RNPEP: variants seen among roughly 807,000 people sequenced by gnomAD.
The protein encoded by RNPEP is aminopeptidase B.
Under a neutral mutation model 70.1 loss-of-function variants are expected in RNPEP, and 57 were observed. That is an observed-to-expected ratio of 0.81 (90% CI 0.66 to 1.01). The LOEUF (loss-of-function observed/expected upper bound fraction) is 1.01. Among genes scored for constraint, RNPEP ranks in the 50% least tolerant of loss-of-function variants. The pLI is 0.00. For synonymous variants in RNPEP, 335 were observed against 357.4 expected (o/e 0.94, Z 0.71); for missense variants, 787 against 852.4 (o/e 0.92, Z 0.96).
intron 10 of RNPEP, among the ~76,000 whole-genome samples, chr1:202,005,095 TTA>T (rs2102986715): frequency 6.6e-6 from 1 of 152,338 alleles, no homozygotes; most frequent in African/African-American, 2.4e-5. Context: ...GCTCTGGATT[TTA>T]GGAACTTGTG....
chr1:201,994,445 T>C (rs1309083345), intron 3 of RNPEP, among the ~76,000 whole-genome samples: 3 of 151,956 alleles, frequency 2.0e-5, no homozygotes, highest in African/African-American at 7.2e-5. Flanking sequence ...GCCTCCCTCA[T>C]TGCAATCTGA....
intron 1 of RNPEP, among the ~76,000 whole-genome samples, chr1:201,988,459 A>C (rs1683208467): frequency 4.4e-5 from 1 of 22,664 alleles, no homozygotes; most frequent in Non-Finnish European, 1.0e-4. Context: ...CTCTGTCTCA[A>C]AAAAAAAAAA....
intron 5 of RNPEP, among the ~76,000 whole-genome samples, chr1:201,997,925 G>A (rs1208376945): frequency 1.3e-5 from 2 of 151,716 alleles, no homozygotes; most frequent in African/African-American, 2.4e-5. Flanking sequence ...CACCACACCT[G>A]GCTAATTTTG....
At chr1:201,990,656 G>A (rs1488657464) in intron 3 of RNPEP, among the ~76,000 whole-genome samples, 6 of 152,126 alleles carry the variant, frequency 3.9e-5, no homozygotes, top group African/African-American at 1.4e-4. Flanking sequence ...CTGGTATCAT[G>A]AGTCTTAGTT....
chr1:201,997,601 C>A, intron 5 of RNPEP, 47 bp downstream of exon 5: 1 of 1,446,170 alleles, frequency 6.9e-7, no homozygotes, highest in Non-Finnish European at 9.7e-7. Flanking sequence ...CCATTCTTAA[C>A]CTGTGGGGCC....
chr1:202,005,869 CT>C lies in RNPEP; in HGVS notation c.*154del. On this transcript the variant is annotated 3_prime_UTR_variant, in exon 11 of 11. Coordinates refer to ENST00000295640, the MANE Select transcript of RNPEP (RefSeq NM_020216.4). Reference sequence around the variant, plus strand: ...GCTTAGGTATCTGTGACTCTTGGGCCTCTGCTCTGGTGGGAACTTACTTCTC... The same window carrying C: ...GCTTAGGTATCTGTGACTCTTGGGCCCTGCTCTGGTGGGAACTTACTTCTC... 1 of 911,842 alleles carries C rather than the reference CT, an allele frequency of 1.1e-6. No homozygotes were observed. The highest frequency in any genetic ancestry group is 2.6e-5 in the East Asian group (1 of 38,192). 56.5% of individuals were successfully genotyped at this position (911,842 alleles called of 1,614,324 possible).
chr1:201,984,821 C>CTTTTTTTTTTTTTTTTTTT (rs200795347), intron 1 of RNPEP, among the ~76,000 whole-genome samples: 8 of 121,994 alleles, frequency 6.6e-5, no homozygotes, highest in East Asian at 2.4e-4. Context: ...GTATTTCTTT[C>CTTTTTTTTTTTTTTTTTTT]TTTTTTTTTT....
At chr1:202,004,026 G>A (rs565105825) in intron 9 of RNPEP, among the ~76,000 whole-genome samples, 22 of 152,248 alleles carry the variant, frequency 1.4e-4, no homozygotes, top group Admixed American at 1.3e-4. Flanking sequence ...GACAGATATT[G>A]GGGGAATATG....
chr1:202,000,381 A>G (rs774410942), intron 6 of RNPEP: 1 of 176,422 alleles, frequency 5.7e-6, no homozygotes, highest in Non-Finnish European at 1.2e-5. Context: ...TGAGTGCCAG[A>G]CAAGTTAAGT....
chr1:201,984,946 A>G (rs2102959045), intron 1 of RNPEP, among the ~76,000 whole-genome samples: 1 of 147,392 alleles, frequency 6.8e-6, no homozygotes. Context: ...TAATCCCAGC[A>G]CTTTGGGAGG....
rs1459539481 is a variant in RNPEP, at chr1:202,005,882, G to A, written c.*166G>A. The A allele has an allele frequency of 8.7e-6, 7 of 800,884 alleles. No homozygotes were observed. Among genetic ancestry groups the A allele is most frequent in the South Asian group, 3.6e-5 (2 of 55,312 alleles). 49.6% of individuals were successfully genotyped at this position (800,884 alleles called of 1,614,324 possible). Reference sequence around the variant, plus strand: ...TGACTCTTGGGCCTCTGCTCTGGTGGGAACTTACTTCTCTATAGCCCACTG... The same window carrying A: ...TGACTCTTGGGCCTCTGCTCTGGTGAGAACTTACTTCTCTATAGCCCACTG... On this transcript the variant is annotated 3_prime_UTR_variant, in exon 11 of 11. Coordinates refer to ENST00000295640, the MANE Select transcript of RNPEP (RefSeq NM_020216.4).
At position 201,982,832 on chromosome 1, in the gene RNPEP, A is replaced by G; in HGVS notation, c.166A>G (p.Ser56Gly). 1 of 1,336,908 alleles carries G rather than the reference A, an allele frequency of 7.5e-7. No individual in the cohort carries two copies. The highest frequency in any genetic ancestry group is 9.6e-7 in the Non-Finnish European group (1 of 1,044,534). The allele number at this position is 1,336,908 out of a possible 1,614,324, so 82.8% of individuals were successfully genotyped here. The change falls in exon 1 of 11, where the codon AGC becomes GGC. Residue 56 changes from serine to glycine, a missense_variant. Transcript: ENST00000295640. ...CGGGCCTCCAGGGCCCGGCGCAGGG[A>G]GCCGGGGGCTGAGCGGCACCGCGGT... The part of the protein sequence containing the change: ...EFGPPGPGAG[S>G]RGLSGTAVLD...
At chr1:201,983,431 T>G in intron 1 of RNPEP, 1 of 1,461,538 alleles carries the variant, frequency 6.8e-7, no homozygotes, top group Non-Finnish European at 9.2e-7. Flanking sequence ...CATCGCACAC[T>G]GCCGTTTCTA....
intron 5 of RNPEP, 144 bp from the exon 6 acceptor site, chr1:201,999,758 A>G (rs546144804): frequency 3.7e-5 from 23 of 626,308 alleles, no homozygotes; most frequent in Admixed American, 2.8e-4. Flanking sequence ...CTGGGTCCCC[A>G]GGAGGGTAAT....
Position 201,982,956 on chromosome 1 carries a change from G to T in RNPEP, c.290G>T (p.Arg97Leu), listed in dbSNP as rs549263851. ...EVTAAALRRERPGSEEPPAEP... is the reference protein window; with the variant it reads ...EVTAAALRRELPGSEEPPAEP... ...ACGGCGGCGGCGCTGCGGCGGGAGC[G>T]GCCCGGCTCGGAGGAGCCGCCTGCG... is the stretch of plus-strand genomic sequence containing the variant. Residue 97 changes from arginine (R) to leucine (L), a missense_variant, in exon 1 of 11, where the codon CGG becomes CTG. Transcript: ENST00000295640. 2.6e-3 allele frequency: 3,831 copies of T among 1,492,954 alleles called. 13 individuals carry two copies. Among genetic ancestry groups the T allele is most frequent in the Non-Finnish European group, 3.1e-3 (3,481 of 1,124,544 alleles). 92.5% of individuals were successfully genotyped at this position (1,492,954 alleles called of 1,614,324 possible).
chr1:202,004,369 T>G lies in RNPEP; in HGVS notation c.1667T>G (p.Leu556Arg), dbSNP rs1380238157. ...TCTTCTCCAGGGAATGTGAAAAAAC[T>G]TGGAGACACATACCCAAGTATCTCA... is the stretch of plus-strand genomic sequence containing the variant. ...SPLPPGNVKK[L>R]GDTYPSISNA... Residue 556 changes from leucine to arginine, a missense_variant, in exon 10 of 11, where the codon CTT (leucine) becomes CGT (arginine). Leu to Arg is a moderately radical substitution (Grantham distance 102). Coordinates refer to ENST00000295640, the MANE Select transcript of RNPEP (RefSeq NM_020216.4). 5.6e-6 allele frequency: 9 copies of G among 1,614,030 alleles called. No individual in the cohort carries two copies. The highest frequency in any genetic ancestry group is 1.1e-5 in the South Asian group (1 of 91,078).
At position 201,997,313 on chromosome 1, in the gene RNPEP, C is replaced by A. The variant is rs767023078; in HGVS notation, c.855-6C>A. Reference sequence around the variant, plus strand: ...GCCTCTTGGTGACCTCCCCGCTTCTCGGCAGGTATGACTTGCTCTTCATGC... The same window carrying A: ...GCCTCTTGGTGACCTCCCCGCTTCTAGGCAGGTATGACTTGCTCTTCATGC... On this transcript the variant is annotated splice_polypyrimidine_tract_variant and splice_region_variant and intron_variant, in intron 4 of 10. Transcript: ENST00000295640. 9 of 1,612,472 alleles carry A rather than the reference C, an allele frequency of 5.6e-6. No homozygotes were observed. In the Middle Eastern group the frequency reaches 6.6e-4, roughly 118 times the overall value.
At chr1:201,992,326 C>A (rs1683367243) in intron 3 of RNPEP, among the ~76,000 whole-genome samples, 1 of 152,196 alleles carries the variant, frequency 6.6e-6, no homozygotes, top group African/African-American at 2.4e-5. Context: ...AGCCACAACA[C>A]CAACCTTCAG....
At position 202,003,310 on chromosome 1, in the gene RNPEP, A is replaced by G. The variant is rs766949194; in HGVS notation, c.1500A>G (p.Ser500=). ...TCCCTGATCTCTCCCCTGGGGACTC[A>G]CTCATGAAGCCTGCTGAAGAGCTAG... ...PYLPDLSPGD[S]LMKPAEELAQ... Residue 500 remains serine (S), a synonymous_variant, in exon 9 of 11, where the codon TCA becomes TCG. Coordinates refer to ENST00000295640, the MANE Select transcript of RNPEP (RefSeq NM_020216.4). The G allele has an allele frequency of 6.2e-7, 1 of 1,614,004 alleles. No individual in the cohort carries two copies. Among genetic ancestry groups the G allele is most frequent in the Non-Finnish European group, 8.5e-7 (1 of 1,179,998 alleles).
Sources: gnomAD v4.1 joint callset for allele counts (sites outside exome capture counted in the v4.1 genomes callset) on GRCh38, gnomAD v4.1.1 for gene constraint, MANE v1.5 for transcripts, NCBI Gene and HGNC (gene_info 2026-07-23, HGNC 2026-07-21) for gene names.